Variants in SLC15A4 observed in about 807,000 individuals in gnomAD.
SLC15A4 encodes the protein solute carrier family 15 member 4, also known as hPHT1.
A neutral mutation model predicts 46.1 loss-of-function variants in SLC15A4; 26 were observed. That is an observed-to-expected ratio of 0.56 (90% CI 0.41 to 0.78). The LOEUF is 0.78. SLC15A4 is among the 30% of genes least tolerant of loss of function. The pLI, the probability that SLC15A4 is intolerant of heterozygous loss-of-function variation, is 0.00. For synonymous variants in SLC15A4, 370 were observed against 333.4 expected, an observed-to-expected ratio of 1.11 and a Z score of -1.20; for missense variants, 751 against 755.7, an observed-to-expected ratio of 0.99 and a Z score of 0.07.
At chr12:128,819,009 T>G (rs879770268) in intron 1 of SLC15A4, among the ~76,000 whole-genome samples, 1 of 152,238 alleles carries the variant, frequency 6.6e-6, no homozygotes, top group African/African-American at 2.4e-5. Flanking sequence ...GAACATTTTC[T>G]TATCTTTCAT....
chr12:128,811,870 T>C lies in SLC15A4; in HGVS notation c.843-1759A>G, dbSNP rs59241153. ...AATCAACATGCATCTGAAGCTTTAC[T>C]GGGTTACACATATTGTTAGGTGCAC... On this transcript the variant is annotated intron_variant, in intron 2 of 7. Transcript: ENST00000266771. Among the ~76,000 whole-genome samples, 189 of 152,358 alleles carry C rather than the reference T, an allele frequency of 1.2e-3. 5 individuals carry two copies. In the East Asian group the frequency reaches 0.029, roughly 24 times the overall value.
At chr12:128,807,757 G>A (rs1955607100) in intron 5 of SLC15A4, among the ~76,000 whole-genome samples, 1 of 152,228 alleles carries the variant, frequency 6.6e-6, no homozygotes, top group African/African-American at 2.4e-5. Flanking sequence ...AGAAGGCACA[G>A]CAAAAACTTC....
chr12:128,810,326 A>T (rs912404932), intron 2 of SLC15A4: 3 of 519,216 alleles, frequency 5.8e-6, no homozygotes, highest in Non-Finnish European at 6.8e-6. Flanking sequence ...GGGACTTTCT[A>T]GTCAAAGTGA....
Position 128,794,031 on chromosome 12 carries a change from A to C in SLC15A4, c.*165T>G, listed in dbSNP as rs1177093116. 3.1e-6 allele frequency: 2 copies of C among 639,648 alleles called. No homozygotes were observed. The highest frequency in any genetic ancestry group is 1.8e-5 in the African/African-American group (1 of 54,594). The allele number at this position is 639,648 out of a possible 1,614,324, so 39.6% of individuals were successfully genotyped here. A position where few individuals can be genotyped will look rare whatever the true frequency, so the allele number is the denominator to read the frequency against. On this transcript the variant is annotated 3_prime_UTR_variant, in exon 8 of 8. Transcript: ENST00000266771. ...GGAGACACGCTGCAGTAAGGCACTTACCAAGCTCCTTTGGATAGAGGGAAA... is the reference window on the plus strand; with the variant it reads ...GGAGACACGCTGCAGTAAGGCACTTCCCAAGCTCCTTTGGATAGAGGGAAA...
At chr12:128,816,310 C>G (rs908570767) in intron 1 of SLC15A4, among the ~76,000 whole-genome samples, 3 of 152,184 alleles carry the variant, frequency 2.0e-5, no homozygotes, top group Non-Finnish European at 4.4e-5. Context: ...TAGACAGAGA[C>G]ATTTCTAGTG....
chr12:128,809,549 T>C (rs1955628770), intron 3 of SLC15A4, 76 bp from the exon 4 acceptor site: 4 of 865,756 alleles, frequency 4.6e-6, no homozygotes, highest in Non-Finnish European at 7.3e-6. Flanking sequence ...GCCCCTCCCC[T>C]AAGCTAGACT....
rs1173472627 is a variant in SLC15A4, at chr12:128,793,284, C to T, written c.*912G>A. ...AAAAGTATTAACAAACGGAGAAGCCCCAGATACACGTACAGTAACAATACA... is the reference window on the plus strand; with the variant it reads ...AAAAGTATTAACAAACGGAGAAGCCTCAGATACACGTACAGTAACAATACA... On this transcript the variant is annotated 3_prime_UTR_variant, in exon 8 of 8. Coordinates refer to ENST00000266771, the MANE Select transcript of SLC15A4 (RefSeq NM_145648.4). 4 of 152,148 alleles carry T rather than the reference C, an allele frequency of 2.6e-5. No individual in the cohort carries two copies. The highest frequency in any genetic ancestry group is 4.4e-5 in the Non-Finnish European group (3 of 68,022). The allele number at this position is 152,148 out of a possible 1,614,324, so 9.4% of individuals were successfully genotyped here. A position where few individuals can be genotyped will look rare whatever the true frequency, so the allele number is the denominator to read the frequency against.
chr12:128,804,116 TGAGA>T (rs1426493746), intron 5 of SLC15A4, among the ~76,000 whole-genome samples: 1 of 152,220 alleles, frequency 6.6e-6, no homozygotes, highest in Non-Finnish European at 1.5e-5. Flanking sequence ...TACAACATTT[TGAGA>T]GAGTGATATT....
chr12:128,814,567 G>T, intron 2 of SLC15A4: 2 of 563,492 alleles, frequency 3.5e-6, no homozygotes, highest in Non-Finnish European at 6.3e-6. Context: ...ATGAGCTCTG[G>T]AATCAGGCCA....
intron 5 of SLC15A4, chr12:128,801,845 T>A (rs1179749986): frequency 6.6e-6 from 1 of 152,144 alleles, no homozygotes; most frequent in Non-Finnish European, 1.5e-5. Flanking sequence ...TTTTAAAACA[T>A]GAGTATGAAG....
intron 5 of SLC15A4, chr12:128,801,215 C>T (rs1470422575): frequency 1.7e-5 from 8 of 458,226 alleles, no homozygotes; most frequent in South Asian, 1.6e-4. Context: ...GCATAGCACA[C>T]CTATTTCACT....
intron 7 of SLC15A4, among the ~76,000 whole-genome samples, chr12:128,798,374 T>C (rs937031393): frequency 1.3e-5 from 2 of 152,082 alleles, no homozygotes; most frequent in Non-Finnish European, 2.9e-5. Context: ...CCAGAAAACA[T>C]CAGTGACAAG....
intron 4 of SLC15A4, 52 bp from the exon 5 acceptor site, chr12:128,809,008 C>G: frequency 6.4e-7 from 1 of 1,558,128 alleles, no homozygotes; most frequent in Non-Finnish European, 8.7e-7. Context: ...CAGGCCATCA[C>G]CTGTCTAGAG....
intron 1 of SLC15A4, among the ~76,000 whole-genome samples, chr12:128,822,745 A>G (rs1052127376): frequency 6.6e-6 from 1 of 152,154 alleles, no homozygotes; most frequent in Non-Finnish European, 1.5e-5. Flanking sequence ...CAGGCTGGTC[A>G]GGCTGGTCTC....
chr12:128,814,788 G>T lies in SLC15A4; in HGVS notation c.829C>A (p.Arg277Ser), dbSNP rs201775464. Residue 277 changes from arginine (R) to serine (S), a missense_variant, in exon 2 of 8, where the codon CGC becomes AGC. Coordinates refer to ENST00000266771, the MANE Select transcript of SLC15A4 (RefSeq NM_145648.4). ...CTAAGTGCTTACCCATTACTCTGGC[G>T]CTCTCCACTTCGCTTCTGGGAACAG... is the stretch of plus-strand genomic sequence containing the variant. ...SCCSQKRSGE[R>S]QSNGEGIGVF... 5.0e-6 allele frequency: 8 copies of T among 1,613,800 alleles called. No individual in the cohort carries two copies. The Admixed American group carries it at 1.3e-4, about 27-fold the overall frequency.
chr12:128,823,405 G>A lies in SLC15A4; in HGVS notation c.539C>T (p.Ala180Val). ...TVKANITPFG[A>V]DQVKDRGPEA... ...CGCGGGGGCGCGGCTCACCTGGTCGGCGCCGAAGGGCGTGATGTTGGCCTT... is the reference window on the plus strand; with the variant it reads ...CGCGGGGGCGCGGCTCACCTGGTCGACGCCGAAGGGCGTGATGTTGGCCTT... The change falls in exon 1 of 8, where the codon GCC becomes GTC. Residue 180 changes from alanine to valine, a missense_variant. Ala to Val is a moderately conservative substitution (Grantham distance 64, BLOSUM62 0). Transcript: ENST00000266771. 7.0e-7 allele frequency: 1 copy of A among 1,437,824 alleles called. No individual in the cohort carries two copies. The highest frequency in any genetic ancestry group is 1.4e-5 in the South Asian group (1 of 71,058). The allele number at this position is 1,437,824 out of a possible 1,614,324, so 89.1% of individuals were successfully genotyped here.
intron 5 of SLC15A4, among the ~76,000 whole-genome samples, chr12:128,803,840 A>G (rs1955547578): frequency 6.6e-6 from 1 of 152,166 alleles, no homozygotes; most frequent in South Asian, 2.1e-4. Flanking sequence ...GACACGACGA[A>G]TTGGACAGAC....
chr12:128,815,403 C>A, intron 1 of SLC15A4: 1 of 267,604 alleles, frequency 3.7e-6, no homozygotes, highest in East Asian at 8.9e-5. Context: ...AAAACAGAGT[C>A]CGCTGGGCAT....
chr12:128,814,876 G>A lies in SLC15A4; in HGVS notation c.741C>T (p.Phe247=). 1 of 1,614,180 alleles carries A rather than the reference G, an allele frequency of 6.2e-7. No homozygotes were observed. The highest frequency in any genetic ancestry group is 8.5e-7 in the Non-Finnish European group (1 of 1,180,032). ...CACTGCCATCAGGAGGCTTGGTGAT[G>A]AAAACGCTCTGGCCACAGAGGAAGA... ...FVVFLCGQSV[F]ITKPPDGSAF... The change falls in exon 2 of 8, where the codon TTC becomes TTT. Residue 247 remains phenylalanine, a synonymous_variant. Transcript: ENST00000266771.
Sources: gnomAD v4.1 joint callset for allele counts (sites outside exome capture counted in the v4.1 genomes callset) on GRCh38, gnomAD v4.1.1 for gene constraint, MANE v1.5 for transcripts, NCBI Gene and HGNC (gene_info 2026-07-23, HGNC 2026-07-21) for gene names.